The following ETV1 variants were observed in gnomAD, a reference collection of about 807,000 sequenced individuals.
ETV1 encodes ETS variant transcription factor 1, also known as ETS translocation variant 1.
ETV1 carries 27 observed loss-of-function variants against 62.3 expected under a neutral mutation model. The observed-to-expected ratio is 0.43, with a 90% CI of 0.32 to 0.60. ETV1 has a LOEUF of 0.60. Ranked by LOEUF, ETV1 falls within the 20% of genes least tolerant of loss-of-function variation. The probability of loss-of-function intolerance (pLI) is 0.06; values close to 1 mark genes in which losing one functional copy is unlikely to be tolerated. For synonymous variants in ETV1, 222 were observed against 199.6 expected (o/e 1.11, Z -0.94); for missense variants, 605 against 605.8 (o/e 1.00, Z 0.01).
chr7:13,917,204 T>G (rs1784270229), intron 9 of ETV1, among the ~76,000 whole-genome samples: 1 of 152,138 alleles, frequency 6.6e-6, no homozygotes, highest in South Asian at 2.1e-4. Context: ...TTACAAGTTT[T>G]ACAAGCCTGT....
At chr7:13,928,483 G>C (rs549348132) in intron 9 of ETV1, among the ~76,000 whole-genome samples, 1 of 151,918 alleles carries the variant, frequency 6.6e-6, no homozygotes, top group African/African-American at 2.4e-5. Context: ...GCATGGTGGC[G>C]CATGCCTGTA....
chr7:13,925,617 G>A (rs1377779126), intron 9 of ETV1, among the ~76,000 whole-genome samples: 3 of 150,492 alleles, frequency 2.0e-5, no homozygotes, highest in African/African-American at 7.3e-5. Context: ...CCAGGCTGGA[G>A]TGCGGTGGCG....
Position 13,988,614 on chromosome 7 carries a change from AAATGAG to A in ETV1, c.45+388_45+393del. The A allele has an allele frequency of 7.6e-6, 10 of 1,312,420 alleles. No homozygotes were observed. The South Asian group carries it at 8.4e-5, about 11-fold the overall frequency. The allele number at this position is 1,312,420 out of a possible 1,614,324, so 81.3% of individuals were successfully genotyped here. A position where few individuals can be genotyped will look rare whatever the true frequency, so the allele number is the denominator to read the frequency against. On this transcript the variant is annotated intron_variant, in intron 3 of 13. Transcript: ENST00000430479. ...AGAAATGAAAAAAAAAAAAAAGAGA[AAATGAG>A]AAAAAAAAAAGAAACAAAAACACCC...
chr7:13,933,530 G>C (rs1786437303), intron 8 of ETV1, among the ~76,000 whole-genome samples: 1 of 152,230 alleles, frequency 6.6e-6, no homozygotes, highest in Non-Finnish European at 1.5e-5. Flanking sequence ...CCCAGGAGCA[G>C]AGTGAGGCTG....
At chr7:13,915,044 G>A (rs866193100) in intron 9 of ETV1, among the ~76,000 whole-genome samples, 3 of 152,226 alleles carry the variant, frequency 2.0e-5, no homozygotes, top group South Asian at 2.1e-4. Flanking sequence ...TACCAATAAC[G>A]ACTGTATAAC....
Position 13,989,475 on chromosome 7 carries a change from G to A in ETV1, c.-284-11C>T, listed in dbSNP as rs1782860610. 3 of 403,570 alleles carry A rather than the reference G, an allele frequency of 7.4e-6. No individual in the cohort carries two copies. Among genetic ancestry groups the A allele is most frequent in the Non-Finnish European group, 1.3e-5 (3 of 229,360 alleles). 25.0% of individuals were successfully genotyped at this position (403,570 alleles called of 1,614,324 possible). On this transcript the variant is annotated splice_polypyrimidine_tract_variant and intron_variant, in intron 1 of 13. Transcript: ENST00000430479. Reference sequence around the variant, plus strand: ...TTGCACCTAACGGGACTAAAGAGACGGAGACACCTCTTTCATCAGGATAGT... The same window carrying A: ...TTGCACCTAACGGGACTAAAGAGACAGAGACACCTCTTTCATCAGGATAGT...
rs1178592742 is a variant in ETV1, at chr7:13,894,390, A to C, written c.*1476T>G. 8 of 232,618 alleles carry C rather than the reference A, an allele frequency of 3.4e-5. No individual in the cohort carries two copies. The highest frequency in any genetic ancestry group is 2.6e-5 in the Non-Finnish European group (3 of 117,514). The allele number at this position is 232,618 out of a possible 1,614,324, so 14.4% of individuals were successfully genotyped here. A position where few individuals can be genotyped will look rare whatever the true frequency, so the allele number is the denominator to read the frequency against. ...CAGAACAAAAAACTTTGAAACTTTA[A>C]ATCTTCTTTCAAACAATCCAATCAC... On this transcript the variant is annotated 3_prime_UTR_variant, in exon 14 of 14. Coordinates refer to ENST00000430479, the MANE Select transcript of ETV1 (RefSeq NM_004956.5).
At chr7:13,948,849 G>A (rs968362937) in intron 6 of ETV1, among the ~76,000 whole-genome samples, 5 of 152,068 alleles carry the variant, frequency 3.3e-5, no homozygotes, top group Non-Finnish European at 7.3e-5. Flanking sequence ...GTCAACAAAG[G>A]ACACTTAATT....
At chr7:13,904,506 G>C (rs1782754093) in intron 12 of ETV1, among the ~76,000 whole-genome samples, 1 of 152,122 alleles carries the variant, frequency 6.6e-6, no homozygotes, top group African/African-American at 2.4e-5. Context: ...GTCAACAGTT[G>C]CTATATAAAA....
chr7:13,925,223 T>C lies in ETV1; in HGVS notation c.802+6279A>G, dbSNP rs148459927. Among the ~76,000 whole-genome samples the C allele has an allele frequency of 1.9e-4, 29 of 152,328 alleles. No homozygotes were observed. The East Asian group carries it at 4.3e-3, about 22-fold the overall frequency. On this transcript the variant is annotated intron_variant, in intron 9 of 13. Coordinates refer to ENST00000430479, the MANE Select transcript of ETV1 (RefSeq NM_004956.5). Reference sequence around the variant, plus strand: ...TCCACCACATGGCCGAGAAGCATTGTTTAAACCTATTAGGATAACAGAATA... The same window carrying C: ...TCCACCACATGGCCGAGAAGCATTGCTTAAACCTATTAGGATAACAGAATA...
chr7:13,967,719 TA>T (rs1204286851), intron 6 of ETV1, among the ~76,000 whole-genome samples: 1 of 151,972 alleles, frequency 6.6e-6, no homozygotes, highest in Non-Finnish European at 1.5e-5. Flanking sequence ...ATGATACCAA[TA>T]AAAACCCATA....
intron 9 of ETV1, among the ~76,000 whole-genome samples, chr7:13,914,624 A>T (rs994149984): frequency 1.3e-5 from 2 of 152,072 alleles, no homozygotes; most frequent in Non-Finnish European, 2.9e-5. Context: ...AAACTAAAAA[A>T]AAAAAAAAAA....
At chr7:13,958,684 C>G (rs545923306) in intron 6 of ETV1, 5 of 147,862 alleles carry the variant, frequency 3.4e-5, no homozygotes, top group African/African-American at 1.0e-4. Flanking sequence ...AGAGTATAAA[C>G]TCTGGAGCGA....
At chr7:13,947,784 C>T (rs1788346043) in intron 6 of ETV1, among the ~76,000 whole-genome samples, 1 of 152,040 alleles carries the variant, frequency 6.6e-6, no homozygotes, top group Non-Finnish European at 1.5e-5. Flanking sequence ...TCTACCATGC[C>T]CCAGACACTA....
chr7:13,961,348 T>A (rs938609666), intron 6 of ETV1, among the ~76,000 whole-genome samples: 1 of 152,146 alleles, frequency 6.6e-6, no homozygotes, highest in Non-Finnish European at 1.5e-5. Flanking sequence ...TAATTTTAAA[T>A]GGGCTTCAAG....
At position 13,944,717 on chromosome 7, in the gene ETV1, G is replaced by A. The variant is rs557361382; in HGVS notation, c.236-5471C>T. On this transcript the variant is annotated intron_variant, in intron 6 of 13. Coordinates refer to ENST00000430479, the MANE Select transcript of ETV1 (RefSeq NM_004956.5). Reference sequence around the variant, plus strand: ...GGAGAAACACAGATTCTCAGACCTCGTTTGTTATTGGTTGGATTGTGTCCC... The same window carrying A: ...GGAGAAACACAGATTCTCAGACCTCATTTGTTATTGGTTGGATTGTGTCCC... 1.1e-4 allele frequency among the ~76,000 whole-genome samples: 16 copies of A among 152,156 alleles called. No individual in the cohort carries two copies. In the East Asian group the frequency reaches 2.3e-3, roughly 22 times the overall value.
chr7:13,916,907 A>G (rs887752371), intron 9 of ETV1, among the ~76,000 whole-genome samples: 29 of 151,210 alleles, frequency 1.9e-4, no homozygotes, highest in Non-Finnish European at 3.4e-4. Context: ...ACTCCAACCT[A>G]GGCAACAGAG....
At chr7:13,896,789 A>G (rs530866262) in intron 13 of ETV1, among the ~76,000 whole-genome samples, 1 of 151,286 alleles carries the variant, frequency 6.6e-6, no homozygotes, top group Non-Finnish European at 1.5e-5. Flanking sequence ...AGAAAGAAAG[A>G]AAGGATACAC....
intron 9 of ETV1, 28 bp from the exon 10 acceptor site, chr7:13,911,335 A>C (rs758827187): frequency 1.9e-4 from 295 of 1,544,616 alleles, no homozygotes; most frequent in Non-Finnish European, 2.5e-4. Context: ...ATTGGTCAAA[A>C]AGAGTCTGGA....
Sources: allele counts gnomAD v4.1 joint callset (sites outside exome capture counted in the v4.1 genomes callset), GRCh38; gene constraint gnomAD v4.1.1; transcripts MANE v1.5; gene names NCBI Gene and HGNC (gene_info 2026-07-23, HGNC 2026-07-21).